NBAS: variants seen among roughly 807,000 people sequenced by gnomAD.
The protein encoded by NBAS is NAG/BC035112 fusion.
Under a neutral mutation model 302.5 loss-of-function variants are expected in NBAS, and 219 were observed. The ratio of observed to expected loss-of-function variants is 0.72; its 90% CI spans 0.65 to 0.81. NBAS has a LOEUF of 0.81. Among genes scored for constraint, NBAS ranks in the 30% least tolerant of loss-of-function variants. The pLI is 0.00. For missense variants in NBAS, 2,932 were observed against 2,841.6 expected (o/e 1.03, Z -0.72); for synonymous variants, 1,118 against 1,021.6 (o/e 1.09, Z -1.80).
chr2:15,042,020 C>G, the NBAS span, among the ~76,000 whole-genome samples: 6 of 152,326 alleles, frequency 3.9e-5, no homozygotes, highest in South Asian at 1.2e-3. Context: ...ACATGTTCCT[C>G]TATTTGCTTT....
chr2:15,427,673 C>A, intron 22 of NBAS, 38 bp downstream of exon 22: 1 of 1,536,034 alleles, frequency 6.5e-7, no homozygotes, highest in Non-Finnish European at 9.0e-7. Context: ...ACCCATCCCA[C>A]AAAGAAACAA....
At chr2:15,063,265 G>A in the NBAS span, among the ~76,000 whole-genome samples, 1 of 152,064 alleles carries the variant, frequency 6.6e-6, no homozygotes, top group African/African-American at 2.4e-5. Context: ...TGTTTAGGCA[G>A]GACCTCCTTT....
At chr2:14,829,718 C>A in the NBAS span, among the ~76,000 whole-genome samples, 1 of 152,168 alleles carries the variant, frequency 6.6e-6, no homozygotes, top group Non-Finnish European at 1.5e-5. Context: ...CAAGGCTACT[C>A]CTGAGCTGGC....
chr2:15,477,067 C>T lies in NBAS; in HGVS notation c.1147+1159G>A, dbSNP rs115716267. On this transcript the variant is annotated intron_variant, in intron 13 of 51. Transcript: ENST00000281513. ...AAAGCAGAGTTCCTGGGGCTTATCA[C>T]TAAGTGTAAAGTAGAAAGAAAGAGG... is the stretch of plus-strand genomic sequence containing the variant. Among the ~76,000 whole-genome samples the T allele has an allele frequency of 6.0e-3, 910 of 152,228 alleles. 9 individuals are homozygous for T. Among genetic ancestry groups the T allele is most frequent in the African/African-American group, 0.02 (824 of 41,552 alleles).
chr2:15,025,507 T>C, the NBAS span, among the ~76,000 whole-genome samples: 3 of 152,200 alleles, frequency 2.0e-5, no homozygotes, highest in Non-Finnish European at 4.4e-5. Flanking sequence ...AAGAATGTCA[T>C]TGGTAGTTCG....
chr2:15,298,144 G>A (rs1670634660), intron 40 of NBAS, among the ~76,000 whole-genome samples: 1 of 152,020 alleles, frequency 6.6e-6, no homozygotes, highest in Non-Finnish European at 1.5e-5. Context: ...CAGGGGTTTG[G>A]GACCAGCCTG....
At chr2:15,028,998 T>C in the NBAS span, among the ~76,000 whole-genome samples, 5 of 152,206 alleles carry the variant, frequency 3.3e-5, no homozygotes, top group Admixed American at 3.3e-4. Flanking sequence ...ACCTGGACCA[T>C]TGAGTGAATG....
At chr2:15,252,018 G>A (rs1668386903) in intron 44 of NBAS, among the ~76,000 whole-genome samples, 1 of 152,180 alleles carries the variant, frequency 6.6e-6, no homozygotes, top group South Asian at 2.1e-4. Flanking sequence ...CCTGCATACT[G>A]AGCTGATGAC....
intron 44 of NBAS, among the ~76,000 whole-genome samples, chr2:15,255,697 C>G (rs1014981358): frequency 1.3e-5 from 2 of 152,096 alleles, no homozygotes; most frequent in Non-Finnish European, 2.9e-5. Context: ...GATTTAAGTC[C>G]TTGAACCATC....
At chr2:15,502,652 T>C (rs1406257839) in intron 11 of NBAS, among the ~76,000 whole-genome samples, 1 of 152,210 alleles carries the variant, frequency 6.6e-6, no homozygotes, top group African/African-American at 2.4e-5. Context: ...TATAGGGCAT[T>C]GACCATGAAT....
chr2:14,782,714 C>T, the NBAS span, among the ~76,000 whole-genome samples: 1 of 152,094 alleles, frequency 6.6e-6, no homozygotes, highest in African/African-American at 2.4e-5. Flanking sequence ...CCTAAATGCC[C>T]ACCAATGTTA....
chr2:15,091,303 G>T, the NBAS span, among the ~76,000 whole-genome samples: 1 of 14,272 alleles, frequency 7.0e-5, no homozygotes, highest in Non-Finnish European at 2.1e-4. Context: ...AGTTTGAACT[G>T]CATGGGTCCA....
the NBAS span, among the ~76,000 whole-genome samples, chr2:14,924,898 T>C: frequency 6.6e-6 from 1 of 152,314 alleles, no homozygotes; most frequent in Middle Eastern, 3.4e-3. Context: ...ACAAGAAAGT[T>C]AGGTCTCTCA....
the NBAS span, among the ~76,000 whole-genome samples, chr2:14,869,397 T>C: frequency 1.3e-4 from 20 of 152,188 alleles, no homozygotes; most frequent in African/African-American, 4.8e-4. Flanking sequence ...AGAAAATCTC[T>C]AGCAGGATTG....
chr2:15,318,034 A>T (rs1387688219), intron 38 of NBAS, among the ~76,000 whole-genome samples: 1 of 152,242 alleles, frequency 6.6e-6, no homozygotes, highest in Non-Finnish European at 1.5e-5. Flanking sequence ...AGCCCATCAG[A>T]CTAACAGCAG....
chr2:15,553,871 CCTCT>C (rs1295299264), intron 4 of NBAS, among the ~76,000 whole-genome samples, 186 bp downstream of exon 4: 12 of 33,828 alleles, frequency 3.5e-4, no homozygotes, highest in Admixed American at 1.6e-3. Context: ...TCCCTCTCTC[CCTCT>C]CTCTCTCCCT....
At chr2:14,919,553 T>C in the NBAS span, among the ~76,000 whole-genome samples, 54,306 of 152,052 alleles carry the variant, frequency 0.36, 9,898 homozygotes, top group African/African-American at 0.44. Flanking sequence ...GCATGGCATG[T>C]TGTTTGATAG....
intron 9 of NBAS, among the ~76,000 whole-genome samples, chr2:15,519,323 T>G (rs1662551049): frequency 1.3e-5 from 2 of 152,222 alleles, no homozygotes; most frequent in East Asian, 3.9e-4. Flanking sequence ...GGGGCTTGCA[T>G]TCCTTCTGTA....
chr2:15,468,421 T>C lies in NBAS; in HGVS notation c.1838A>G (p.Glu613Gly). The C allele has an allele frequency of 6.2e-7, 1 of 1,614,106 alleles. No individual in the cohort carries two copies. Among genetic ancestry groups the C allele is most frequent in the Non-Finnish European group, 8.5e-7 (1 of 1,179,986 alleles). The change falls in exon 17 of 52, where the codon GAG becomes GGG. Residue 613 changes from glutamate (E) to glycine (G), a missense_variant. Coordinates refer to ENST00000281513, the MANE Select transcript of NBAS (RefSeq NM_015909.4). ...TCCTTTCCCTATTGCTAAAAGAGCC[T>C]CCAGGTCTGTGCCTTTTAATCCATA... ...LQYGLKGTDL[E>G]ALLAIGKGAD...
Sources: gnomAD v4.1 joint callset for allele counts (sites outside exome capture counted in the v4.1 genomes callset) on GRCh38, gnomAD v4.1.1 for gene constraint, MANE v1.5 for transcripts, NCBI Gene and HGNC (gene_info 2026-07-23, HGNC 2026-07-21) for gene names.